The following CPNE4 variants were observed in gnomAD, a reference collection of about 807,000 sequenced individuals.
CPNE4 encodes copine-4.
CPNE4 carries 25 observed loss-of-function variants against 67.9 expected under a neutral mutation model. That is an observed-to-expected ratio of 0.37 (90% CI 0.27 to 0.51). The LOEUF (loss-of-function observed/expected upper bound fraction) is 0.51, where lower values mean the gene tolerates loss of function less well. Among genes scored for constraint, CPNE4 ranks in the 20% least tolerant of loss-of-function variants. The probability of loss-of-function intolerance (pLI) is 0.93; values close to 1 mark genes in which losing one functional copy is unlikely to be tolerated. For synonymous variants in CPNE4, 242 were observed against 244.9 expected (o/e 0.99, Z 0.11); for missense variants, 464 against 690.8 (o/e 0.67, Z 3.68).
chr3:132,030,787 C>T (rs1330885963), intron 1 of CPNE4, among the ~76,000 whole-genome samples: 2 of 152,088 alleles, frequency 1.3e-5, no homozygotes, highest in Admixed American at 1.3e-4. Context: ...GTTTCTAGTA[C>T]AGAAAAAGAA....
At chr3:131,669,465 A>G (rs753187319) in intron 7 of CPNE4, among the ~76,000 whole-genome samples, 3 of 152,142 alleles carry the variant, frequency 2.0e-5, no homozygotes, top group Non-Finnish European at 2.9e-5. Context: ...TTGATATAAC[A>G]TAATTGGAAT....
At chr3:131,939,739 T>C (rs556131777) in intron 1 of CPNE4, among the ~76,000 whole-genome samples, 3 of 152,270 alleles carry the variant, frequency 2.0e-5, no homozygotes, top group African/African-American at 7.2e-5. Flanking sequence ...TAAACACTTA[T>C]ATATTTTATC....
At chr3:131,707,317 G>A (rs1048397482) in intron 3 of CPNE4, among the ~76,000 whole-genome samples, 1 of 152,008 alleles carries the variant, frequency 6.6e-6, no homozygotes, top group African/African-American at 2.4e-5. Context: ...CTCAGCTTGT[G>A]GCTGCCTCAC....
chr3:131,853,020 T>G (rs1464973525), intron 2 of CPNE4, among the ~76,000 whole-genome samples: 2 of 151,818 alleles, frequency 1.3e-5, no homozygotes, highest in Admixed American at 6.6e-5. Flanking sequence ...GTTGATAGAT[T>G]CAGAGCAATC....
At chr3:131,915,569 A>G (rs1398721711) in intron 1 of CPNE4, among the ~76,000 whole-genome samples, 1 of 152,216 alleles carries the variant, frequency 6.6e-6, no homozygotes, top group Non-Finnish European at 1.5e-5. Flanking sequence ...ATAATACAAC[A>G]ATATGAGTAC....
intron 7 of CPNE4, among the ~76,000 whole-genome samples, chr3:131,660,579 G>A (rs754535901): frequency 6.6e-5 from 10 of 152,128 alleles, no homozygotes; most frequent in Non-Finnish European, 8.8e-5. Context: ...CCATCATCAC[G>A]GAAAGTTTTA....
chr3:131,877,223 A>T (rs1340656033), intron 2 of CPNE4, among the ~76,000 whole-genome samples: 1 of 152,138 alleles, frequency 6.6e-6, no homozygotes, highest in African/African-American at 2.4e-5. Flanking sequence ...CCAGACATGG[A>T]TGATACAGCC....
At chr3:131,787,545 G>A (rs79274843) in intron 2 of CPNE4, among the ~76,000 whole-genome samples, 1 of 152,282 alleles carries the variant, frequency 6.6e-6, no homozygotes, top group African/African-American at 2.4e-5. Flanking sequence ...GGCAGACCCT[G>A]ATGGATCTGG....
chr3:131,547,149 T>C (rs1187935152), intron 14 of CPNE4, among the ~76,000 whole-genome samples: 1 of 152,074 alleles, frequency 6.6e-6, no homozygotes, highest in African/African-American at 2.4e-5. Context: ...TGTTGGTCTA[T>C]AATCCTGAGA....
intron 2 of CPNE4, among the ~76,000 whole-genome samples, chr3:131,762,291 T>G (rs77067906): frequency 0.051 from 7,771 of 152,122 alleles, 252 homozygotes; most frequent in African/African-American, 0.09. Flanking sequence ...TGAAATCTAC[T>G]TAAGATCACC....
chr3:131,895,223 A>G (rs1438350335), intron 2 of CPNE4, among the ~76,000 whole-genome samples: 2 of 152,020 alleles, frequency 1.3e-5, no homozygotes, highest in Non-Finnish European at 2.9e-5. Context: ...GGGAGGAGAG[A>G]GGAGTGGATG....
chr3:131,639,453 A>G (rs59681083), intron 7 of CPNE4, among the ~76,000 whole-genome samples: 43,274 of 151,972 alleles, frequency 0.28, 9,371 homozygotes, highest in African/African-American at 0.61. Context: ...CTCCTAGATT[A>G]AACCCGGATG....
intron 3 of CPNE4, among the ~76,000 whole-genome samples, chr3:131,704,170 G>A (rs755286154): frequency 2.3e-4 from 35 of 152,126 alleles, no homozygotes; most frequent in Non-Finnish European, 5.0e-4. Context: ...TCTCACTGTA[G>A]CAGGCAAGGA....
intron 7 of CPNE4, among the ~76,000 whole-genome samples, chr3:131,653,028 G>C (rs6799538): frequency 0.28 from 43,234 of 152,000 alleles, 8,855 homozygotes; most frequent in African/African-American, 0.58. Flanking sequence ...GTGACCAATA[G>C]AAGAATCAGG....
At chr3:131,637,695 G>C (rs1374808125) in intron 7 of CPNE4, among the ~76,000 whole-genome samples, 3 of 152,056 alleles carry the variant, frequency 2.0e-5, no homozygotes, top group Non-Finnish European at 1.5e-5. Flanking sequence ...CAACACCTGG[G>C]AAATTCATCA....
intron 7 of CPNE4, among the ~76,000 whole-genome samples, chr3:131,620,762 C>T (rs771301527): frequency 6.6e-6 from 1 of 152,092 alleles, no homozygotes; most frequent in Non-Finnish European, 1.5e-5. Context: ...GGGTCACAGG[C>T]TAAGAAACGC....
intron 2 of CPNE4, among the ~76,000 whole-genome samples, chr3:131,752,956 A>T (rs950462206): frequency 6.6e-5 from 10 of 152,048 alleles, no homozygotes; most frequent in Non-Finnish European, 1.2e-4. Flanking sequence ...ATGTGAAAAG[A>T]AAATGCCGGT....
chr3:131,787,144 G>T (rs938894081), intron 2 of CPNE4, among the ~76,000 whole-genome samples: 1 of 152,128 alleles, frequency 6.6e-6, no homozygotes, highest in South Asian at 2.1e-4. Context: ...TTTCTCCTGG[G>T]TCTCCAGAAT....
chr3:131,593,114 A>G (rs1938633708), intron 7 of CPNE4, among the ~76,000 whole-genome samples: 1 of 152,248 alleles, frequency 6.6e-6, no homozygotes, highest in African/African-American at 2.4e-5. Flanking sequence ...ATGTGGTTAA[A>G]CATTTTATAA....
Sources: gnomAD v4.1 joint callset for allele counts (sites outside exome capture counted in the v4.1 genomes callset) on GRCh38, gnomAD v4.1.1 for gene constraint, MANE v1.5 for transcripts, NCBI Gene and HGNC (gene_info 2026-07-23, HGNC 2026-07-21) for gene names.